GUK1: variants seen among roughly 807,000 people sequenced by gnomAD.
The protein encoded by GUK1 is guanylate kinase 1, also known as guanylate kinase.
In GUK1, 18 loss-of-function variants were observed where a neutral mutation model predicts 25.2. The ratio of observed to expected loss-of-function variants is 0.71; its 90% CI spans 0.49 to 1.06. The LOEUF (loss-of-function observed/expected upper bound fraction) is 1.06, where lower values mean the gene tolerates loss of function less well. GUK1 is among the 50% of genes least tolerant of loss of function. The pLI is 0.00. For synonymous variants in GUK1, 105 were observed against 117.6 expected, an observed-to-expected ratio of 0.89 and a Z score of 0.69; for missense variants, 261 against 276.7, an observed-to-expected ratio of 0.94 and a Z score of 0.40.
chr1:228,141,045 C>A, intron 1 of GUK1: 2 of 610,658 alleles, frequency 3.3e-6, no homozygotes, highest in Non-Finnish European at 4.1e-6. Context: ...TTCGTCTTTG[C>A]ATGAAAGAGG....
chr1:228,144,799 C>G (rs2034277747), intron 2 of GUK1: 1 of 850,970 alleles, frequency 1.2e-6, no homozygotes, highest in Admixed American at 6.2e-5. Flanking sequence ...AAGGCCAGCT[C>G]CCGGGCCCTC....
intron 7 of GUK1, chr1:228,147,947 GC>G (rs1358939542): frequency 3.4e-6 from 2 of 582,294 alleles, no homozygotes; most frequent in Non-Finnish European, 6.1e-6. Context: ...CTCCGTGAGG[GC>G]CCCCAGACCC....
chr1:228,140,499 GC>G, intron 1 of GUK1, 136 bp downstream of exon 1: 19 of 684,398 alleles, frequency 2.8e-5, no homozygotes, highest in Non-Finnish European at 4.4e-5. Flanking sequence ...TCAACTGTGG[GC>G]CCTGAGAACG....
chr1:228,140,111 G>C, upstream of GUK1: 1 of 559,922 alleles, frequency 1.8e-6, no homozygotes. Flanking sequence ...ACGCCCCTGC[G>C]GTCGCGACAG....
In GUK1 at chr1:228,147,683, G is replaced by C. The variant is rs200790692; in HGVS notation, c.459G>C (p.Gln153His). 1 of 1,612,824 alleles carries C rather than the reference G, an allele frequency of 6.2e-7. No individual in the cohort carries two copies. The highest frequency in any genetic ancestry group is 2.2e-5 in the East Asian group (1 of 44,872). ...TGGTGAAGCGGCTGGCTGCTGCCCA[G>C]GCCGACATGGAGAGCAGTGAGTGTG... The change falls in exon 7 of 9, where the codon CAG (glutamine) becomes CAC (histidine). Residue 153 changes from glutamine (Q) to histidine (H), a missense_variant. Physicochemically the swap from Gln to His is conservative, Grantham distance 24 (BLOSUM62 0). Coordinates refer to ENST00000312726, the MANE Select transcript of GUK1 (RefSeq NM_000858.7).
intron 7 of GUK1, chr1:228,148,159 C>A: frequency 1.5e-6 from 1 of 654,556 alleles, no homozygotes; most frequent in South Asian, 1.6e-5. Flanking sequence ...GACCCAAGTT[C>A]TGGGGCTCCA....
intron 6 of GUK1, 25 bp from the exon 6 acceptor site, chr1:228,147,590 G>C (rs1341463829): frequency 6.2e-7 from 1 of 1,613,048 alleles, no homozygotes. Flanking sequence ...GGCATGCCAG[G>C]CTCTGATTGC....
chr1:228,145,951 G>A (rs11577976), intron 3 of GUK1, 75 bp from the exon 3 acceptor site: 58,057 of 1,084,382 alleles, frequency 0.054, 2,089 homozygotes, highest in East Asian at 0.19. Context: ...AAGTGCTGTC[G>A]GGACTGCAAG....
intron 7 of GUK1, 124 bp from the exon 7 acceptor site, chr1:228,148,247 G>A (rs1481153257): frequency 1.3e-6 from 1 of 772,982 alleles, no homozygotes. Flanking sequence ...CGGCTGGGCT[G>A]GAAAGCTGTC....
At chr1:228,141,103 C>G in intron 1 of GUK1, 2 of 983,150 alleles carry the variant, frequency 2.0e-6, no homozygotes, top group African/African-American at 3.5e-5. Context: ...TCTTTGGGCT[C>G]ATGGCCCCTT....
intron 2 of GUK1, chr1:228,141,513 T>C (rs1490660658): frequency 2.0e-6 from 1 of 496,992 alleles, no homozygotes; most frequent in Non-Finnish European, 2.8e-6. Flanking sequence ...TGGTGGTTTG[T>C]GTCTTACGAG....
At position 228,147,676 on chromosome 1, in the gene GUK1, C is replaced by A. The variant is rs1455831331; in HGVS notation, c.452C>A (p.Ala151Asp). ...GAGAGCCTGGTGAAGCGGCTGGCTG[C>A]TGCCCAGGCCGACATGGAGAGCAGT... is the stretch of plus-strand genomic sequence containing the variant. Residue 151 changes from alanine to aspartate, a missense_variant, in exon 7 of 9, where the codon GCT becomes GAT. By Grantham distance (126) the Ala-to-Asp change is moderately radical. Coordinates refer to ENST00000312726, the MANE Select transcript of GUK1 (RefSeq NM_000858.7). 1.2e-6 allele frequency: 2 copies of A among 1,612,842 alleles called. No individual in the cohort carries two copies. The highest frequency in any genetic ancestry group is 1.7e-6 in the Non-Finnish European group (2 of 1,179,920).
chr1:228,141,620 G>C (rs924357561), intron 2 of GUK1: 2 of 1,161,770 alleles, frequency 1.7e-6, no homozygotes, highest in East Asian at 7.9e-5. Flanking sequence ...TGGTGACTCT[G>C]TTCAGTCCTT....
At chr1:228,140,396 T>G in intron 1 of GUK1, 33 bp downstream of exon 1, 1 of 1,455,120 alleles carries the variant, frequency 6.9e-7, no homozygotes, top group Non-Finnish European at 9.1e-7. Flanking sequence ...CGAGGGTGAC[T>G]CGGGTCGAGG....
chr1:228,140,156 T>C (rs921079172), upstream of GUK1: 4 of 668,014 alleles, frequency 6.0e-6, no homozygotes, highest in Non-Finnish European at 9.9e-6. Flanking sequence ...AGCGAGGCAC[T>C]GAGGTAAGTA....
rs781775953 is a variant in GUK1, at chr1:228,148,680, C to G, written c.577C>G (p.Gln193Glu). The change falls in exon 9 of 9, where the codon CAA becomes GAA. Residue 193 changes from glutamine (Q) to glutamate (E), a missense_variant. Transcript: ENST00000312726. ...TCACTGGCAGGAAATCAAGAAAGCTCAAAGGACCGGCGCCTGAGGCTTGCT... is the reference window on the plus strand; with the variant it reads ...TCACTGGCAGGAAATCAAGAAAGCTGAAAGGACCGGCGCCTGAGGCTTGCT... 6 of 1,595,324 alleles carry G rather than the reference C, an allele frequency of 3.8e-6. No homozygotes were observed. Among genetic ancestry groups the G allele is most frequent in the Non-Finnish European group, 5.1e-6 (6 of 1,170,124 alleles).
intron 2 of GUK1, among the ~76,000 whole-genome samples, chr1:228,142,610 C>T (rs2034122599): frequency 6.6e-6 from 1 of 152,134 alleles, no homozygotes; most frequent in Non-Finnish European, 1.5e-5. Flanking sequence ...CTGCTCTGTG[C>T]TGGGTTGCAT....
chr1:228,141,133 G>C lies in GUK1; in HGVS notation c.-158G>C. On this transcript the variant is annotated 5_prime_UTR_variant, in exon 2 of 9. Transcript: ENST00000312726. ...CCCCTTCCTGTCTCAGGCTTGCTCT[G>C]CTCTTTACCTGGGGTTGCTGTCGAG... 1 of 985,724 alleles carries C rather than the reference G, an allele frequency of 1.0e-6. No homozygotes were observed. The highest frequency in any genetic ancestry group is 1.2e-6 in the Non-Finnish European group (1 of 830,134). The allele number at this position is 985,724 out of a possible 1,614,324, so 61.1% of individuals were successfully genotyped here. A position where few individuals can be genotyped will look rare whatever the true frequency, so the allele number is the denominator to read the frequency against.
chr1:228,145,990 G>A (rs769499272), intron 3 of GUK1, 36 bp from the exon 3 acceptor site: 13 of 1,549,142 alleles, frequency 8.4e-6, no homozygotes, highest in East Asian at 2.2e-5. Flanking sequence ...ATTGGGCTCC[G>A]AGCAGCCCCC....
Sources: allele counts gnomAD v4.1 joint callset (sites outside exome capture counted in the v4.1 genomes callset), GRCh38; gene constraint gnomAD v4.1.1; transcripts MANE v1.5; gene names NCBI Gene and HGNC (gene_info 2026-07-23, HGNC 2026-07-21).